Variants in CRTAC1 observed in about 807,000 individuals in gnomAD.
The protein encoded by CRTAC1 is cartilage acidic protein 1.
A neutral mutation model predicts 67.8 loss-of-function variants in CRTAC1; 37 were observed. The ratio of observed to expected loss-of-function variants is 0.55; its 90% CI spans 0.42 to 0.72. CRTAC1 has a LOEUF of 0.72. Ranked by LOEUF, CRTAC1 falls within the 30% of genes least tolerant of loss-of-function variation. The pLI, the probability that CRTAC1 is intolerant of heterozygous loss-of-function variation, is 0.00. For synonymous variants in CRTAC1, 348 were observed against 371.0 expected, an observed-to-expected ratio of 0.94 and a Z score of 0.71; for missense variants, 780 against 931.6, an observed-to-expected ratio of 0.84 and a Z score of 2.12.
intron 2 of CRTAC1, among the ~76,000 whole-genome samples, chr10:97,955,323 G>A (rs1309975286): frequency 1.3e-5 from 2 of 152,146 alleles, no homozygotes; most frequent in Admixed American, 6.5e-5. Flanking sequence ...CAGTCAAGTC[G>A]TTCCACTTGG....
chr10:97,873,834 T>G (rs893851317), intron 14 of CRTAC1, among the ~76,000 whole-genome samples: 1 of 152,206 alleles, frequency 6.6e-6, no homozygotes, highest in Non-Finnish European at 1.5e-5. Flanking sequence ...CGCACCCTTC[T>G]CCTGACCCTG....
rs181775565 is a variant in CRTAC1 at position 97,933,766 on chromosome 10, A to T, written c.421+2404T>A. Among the ~76,000 whole-genome samples, 384 of 152,322 alleles carry T rather than the reference A, an allele frequency of 2.5e-3. 1 individual carries two copies. Among genetic ancestry groups the T allele is most frequent in the African/African-American group, 8.5e-3 (352 of 41,564 alleles). On this transcript the variant is annotated intron_variant, in intron 3 of 14. Coordinates refer to ENST00000370597, the MANE Select transcript of CRTAC1 (RefSeq NM_018058.7). ...CAATGGATGAATGCATTAATAAATG[A>T]GTAGGGTTGTTGTGGGGCTGAGCAT...
intron 1 of CRTAC1, among the ~76,000 whole-genome samples, chr10:98,025,061 T>C (rs1843200352): frequency 6.6e-6 from 1 of 152,150 alleles, no homozygotes; most frequent in Non-Finnish European, 1.5e-5. Context: ...GCAGACCAGC[T>C]CTGTCACTTG....
chr10:97,974,756 C>T (rs1203607832), intron 2 of CRTAC1, among the ~76,000 whole-genome samples: 2 of 152,282 alleles, frequency 1.3e-5, no homozygotes, highest in African/African-American at 4.8e-5. Context: ...AGGACAGGCT[C>T]GGATCCTAAG....
At position 97,865,670 on chromosome 10, in the gene CRTAC1, C is replaced by T. The variant is rs548530776; in HGVS notation, c.1864G>A (p.Ala622Thr). The change falls in exon 15 of 15, where the codon GCT becomes ACT. Residue 622 changes from alanine (A) to threonine (T), a missense_variant. Physicochemically the swap from Ala to Thr is moderately conservative, Grantham distance 58. Transcript: ENST00000370597. ...SPGPRPTTPT[A>T]AAATAAAAAA... ...GCAGCAGCGGCAGTGGCAGCAGCAGCGGTGGGGGTGGTGGGGCGGGGGCCC... is the reference window on the plus strand; with the variant it reads ...GCAGCAGCGGCAGTGGCAGCAGCAGTGGTGGGGGTGGTGGGGCGGGGGCCC... The T allele has an allele frequency of 1.3e-4, 205 of 1,605,226 alleles. No homozygotes were observed. The highest frequency in any genetic ancestry group is 1.6e-4 in the Non-Finnish European group (185 of 1,175,566).
In CRTAC1 at chr10:97,938,665, A is replaced by G. The variant is rs116439792; in HGVS notation, c.225-2299T>C. ...CCTGAGAAATGCCTGAGAACTTCACAGAGATGCAGATGGCGAAGATTATGA... is the reference window on the plus strand; with the variant it reads ...CCTGAGAAATGCCTGAGAACTTCACGGAGATGCAGATGGCGAAGATTATGA... On this transcript the variant is annotated intron_variant, in intron 2 of 14. Coordinates refer to ENST00000370597, the MANE Select transcript of CRTAC1 (RefSeq NM_018058.7). 4.1e-3 allele frequency among the ~76,000 whole-genome samples: 628 copies of G among 152,290 alleles called. 3 individuals carry two copies. The highest frequency in any genetic ancestry group is 0.014 in the African/African-American group (568 of 41,548).
intron 3 of CRTAC1, among the ~76,000 whole-genome samples, chr10:97,935,037 T>C (rs2051064667): frequency 6.6e-6 from 1 of 152,062 alleles, no homozygotes; most frequent in African/African-American, 2.4e-5. Context: ...CCCCAAATCA[T>C]GAGACACTGA....
intron 3 of CRTAC1, among the ~76,000 whole-genome samples, chr10:97,929,839 G>A (rs901618521): frequency 6.6e-6 from 1 of 152,184 alleles, no homozygotes; most frequent in African/African-American, 2.4e-5. Flanking sequence ...AACTCAGGAG[G>A]CAACTGTGAT....
intron 14 of CRTAC1, 137 bp downstream of exon 14, chr10:97,880,112 C>A: frequency 9.7e-7 from 1 of 1,031,170 alleles, no homozygotes; most frequent in Admixed American, 2.3e-5. Flanking sequence ...TCCCTGGAGA[C>A]CCAATATGGG....
At chr10:97,896,043 A>G (rs1314872183) in intron 9 of CRTAC1, 58 bp from the exon 10 acceptor site, 6 of 1,474,480 alleles carry the variant, frequency 4.1e-6, no homozygotes, top group Non-Finnish European at 4.7e-6. Flanking sequence ...CAAAGGAGAC[A>G]CGCTCCCAAC....
chr10:97,982,937 C>T (rs556197701), intron 2 of CRTAC1, among the ~76,000 whole-genome samples: 22 of 152,264 alleles, frequency 1.4e-4, no homozygotes, highest in African/African-American at 4.1e-4. Context: ...CAACTTTTGA[C>T]GAGCAAAAGC....
chr10:97,883,494 T>C (rs2050242436), intron 12 of CRTAC1, among the ~76,000 whole-genome samples: 1 of 152,132 alleles, frequency 6.6e-6, no homozygotes, highest in African/African-American at 2.4e-5. Flanking sequence ...TCAACCGTAC[T>C]GATGAATGAG....
chr10:97,927,438 C>T (rs929507202), intron 3 of CRTAC1, among the ~76,000 whole-genome samples: 1 of 152,192 alleles, frequency 6.6e-6, no homozygotes, highest in African/African-American at 2.4e-5. Flanking sequence ...GTTCCTTGGC[C>T]ATGGAACTCC....
intron 1 of CRTAC1, among the ~76,000 whole-genome samples, chr10:98,022,789 A>G (rs993707982): frequency 2.0e-5 from 3 of 152,100 alleles, no homozygotes; most frequent in Non-Finnish European, 4.4e-5. Context: ...TTGAAAGGGC[A>G]TTTTAGACTT....
intron 11 of CRTAC1, among the ~76,000 whole-genome samples, chr10:97,892,536 T>C (rs1382208510): frequency 6.6e-6 from 1 of 152,218 alleles, no homozygotes; most frequent in Non-Finnish European, 1.5e-5. Flanking sequence ...AATCCAGCTC[T>C]CCTTACTCTG....
intron 2 of CRTAC1, among the ~76,000 whole-genome samples, chr10:98,002,304 C>A (rs1472581172): frequency 6.6e-6 from 1 of 152,168 alleles, no homozygotes; most frequent in East Asian, 1.9e-4. Context: ...AATATAAATA[C>A]TCTTCACTAC....
intron 1 of CRTAC1, among the ~76,000 whole-genome samples, chr10:98,014,886 T>C (rs1842967952): frequency 6.6e-6 from 1 of 152,348 alleles, no homozygotes; most frequent in African/African-American, 2.4e-5. Context: ...AAAAACAGTA[T>C]GGCAATTCCT....
rs181127592 is a variant in CRTAC1, at chr10:98,021,963, C to T, written c.24+8486G>A. Among the ~76,000 whole-genome samples the T allele has an allele frequency of 1.6e-4, 24 of 152,236 alleles. No individual in the cohort carries two copies. The South Asian group carries it at 2.1e-3, about 13-fold the overall frequency. ...ACATTGAGAAGATGCCTATGGGCCA[C>T]GTTAGAAATGATGAAAAAGACGTGG... On this transcript the variant is annotated intron_variant, in intron 1 of 14. Transcript: ENST00000370597.
chr10:97,937,435 C>T (rs2051107860), intron 2 of CRTAC1, among the ~76,000 whole-genome samples: 1 of 152,206 alleles, frequency 6.6e-6, no homozygotes. Flanking sequence ...ACAGCTCTGA[C>T]CAACAGCTGA....
Sources: allele counts gnomAD v4.1 joint callset (sites outside exome capture counted in the v4.1 genomes callset), GRCh38; gene constraint gnomAD v4.1.1; transcripts MANE v1.5; gene names NCBI Gene and HGNC (gene_info 2026-07-23, HGNC 2026-07-21).